Variants in PTRH2 observed in about 807,000 individuals in gnomAD.
PTRH2 encodes peptidyl-tRNA hydrolase 2, also known as peptidyl-tRNA hydrolase 2, mitochondrial.
Under a neutral mutation model 12.3 loss-of-function variants are expected in PTRH2, and 10 were observed. The observed-to-expected ratio is 0.81, with a 90% CI of 0.50 to 1.38. PTRH2 has a LOEUF of 1.38. PTRH2 is among the 40% of genes most tolerant of loss of function. The pLI is 0.00. For missense variants in PTRH2, 176 were observed against 214.1 expected, an observed-to-expected ratio of 0.82 and a Z score of 1.11; for synonymous variants, 73 against 77.4, an observed-to-expected ratio of 0.94 and a Z score of 0.30.
chr17:59,698,104 G>T, intron 1 of PTRH2, 126 bp from the exon 2 acceptor site: 1 of 944,886 alleles, frequency 1.1e-6, no homozygotes, highest in Non-Finnish European at 1.5e-6. Flanking sequence ...ACACACCTTT[G>T]ATCTTATGCC....
rs200466198 is a variant in PTRH2, at chr17:59,697,604, G to A, written c.375C>T (p.Thr125=). 3 of 1,613,990 alleles carry A rather than the reference G, an allele frequency of 1.9e-6. No homozygotes were observed. Among genetic ancestry groups the A allele is most frequent in the African/African-American group, 2.7e-5 (2 of 74,888 alleles). Reference sequence around the variant, plus strand: ...TTGCATGGGCCAATAATGCAATCAGGGTTTCTTCATCAGGAGCTTTGACCA... The same window carrying A: ...TTGCATGGGCCAATAATGCAATCAGAGTTTCTTCATCAGGAGCTTTGACCA... ...KVVVKAPDEE[T]LIALLAHAKM... Residue 125 remains threonine, a synonymous_variant, in exon 2 of 2, where the codon ACC becomes ACT. Coordinates refer to ENST00000393038, the MANE Select transcript of PTRH2 (RefSeq NM_016077.5).
At chr17:59,704,641 G>A (rs538778884) in intron 1 of PTRH2, among the ~76,000 whole-genome samples, 2 of 152,288 alleles carry the variant, frequency 1.3e-5, no homozygotes, top group African/African-American at 2.4e-5. Context: ...CCAGGAGTAG[G>A]AGGGTCACAT....
Position 59,703,967 on chromosome 17 carries a change from C to T in PTRH2, c.-1+3404G>A, listed in dbSNP as rs151307975. ...GGACTTCAGGCATGTGCTACCACAC[C>T]CGGCTAATTTTTGTATTTTTAGTAG... On this transcript the variant is annotated intron_variant, in intron 1 of 1. Coordinates refer to ENST00000393038, the MANE Select transcript of PTRH2 (RefSeq NM_016077.5). Among the ~76,000 whole-genome samples, 198 of 150,120 alleles carry T rather than the reference C, an allele frequency of 1.3e-3. 1 individual carries two copies. Among genetic ancestry groups the T allele is most frequent in the African/African-American group, 4.7e-3 (191 of 40,706 alleles).
rs754447790 is a variant in PTRH2 at position 59,697,498 on chromosome 17, T to A, written c.481A>T (p.Ile161Phe). 2.8e-5 allele frequency: 45 copies of A among 1,614,056 alleles called. No individual in the cohort carries two copies. Among genetic ancestry groups the A allele is most frequent in the Non-Finnish European group, 3.7e-5 (44 of 1,179,972 alleles). ...ATTAGGTCTGCTGGTCCTGGCCCAA[T>A]CCCTAGGACAGTTTGAGAGCCTGGT... ...IAPGSQTVLG[I>F]GPGPADLIDK... Residue 161 changes from isoleucine (I) to phenylalanine (F), a missense_variant, in exon 2 of 2, where the codon ATT (isoleucine) becomes TTT (phenylalanine). Ile to Phe is a conservative substitution (Grantham distance 21). Coordinates refer to ENST00000393038, the MANE Select transcript of PTRH2 (RefSeq NM_016077.5).
intron 1 of PTRH2, among the ~76,000 whole-genome samples, chr17:59,704,398 A>G (rs1181090963): frequency 6.6e-6 from 1 of 150,944 alleles, no homozygotes; most frequent in African/African-American, 2.4e-5. Context: ...TAGAAAGAAG[A>G]AAAAAAAGGA....
intron 1 of PTRH2, among the ~76,000 whole-genome samples, chr17:59,701,769 G>A (rs942249948): frequency 2.0e-5 from 3 of 151,818 alleles, no homozygotes; most frequent in Non-Finnish European, 4.4e-5. Context: ...GCAGTGGCGC[G>A]ATCTCAGCTC....
At chr17:59,707,014 G>A (rs1292848572) in intron 1 of PTRH2, among the ~76,000 whole-genome samples, 2 of 152,094 alleles carry the variant, frequency 1.3e-5, no homozygotes, top group African/African-American at 4.8e-5. Context: ...TTCTTTCCAC[G>A]CAGAGCTCGA....
chr17:59,703,695 G>A lies in PTRH2; in HGVS notation c.-1+3676C>T, dbSNP rs574214830. 9.5e-4 allele frequency among the ~76,000 whole-genome samples: 145 copies of A among 152,162 alleles called. 1 individual carries two copies. The highest frequency in any genetic ancestry group is 3.2e-3 in the African/African-American group (131 of 41,506). ...AATTGTTTGTATTTTTAGTAGAGAC[G>A]GGGTTTCACCAGGTTGGCCAGGCTG... On this transcript the variant is annotated intron_variant, in intron 1 of 1. Coordinates refer to ENST00000393038, the MANE Select transcript of PTRH2 (RefSeq NM_016077.5).
At chr17:59,702,798 A>G (rs149384385) in intron 1 of PTRH2, among the ~76,000 whole-genome samples, 44 of 152,316 alleles carry the variant, frequency 2.9e-4, no homozygotes, top group African/African-American at 1.0e-3. Context: ...CAAAAGCAAC[A>G]CATATTCAGT....
chr17:59,698,915 T>G (rs2033503700), intron 1 of PTRH2: 1 of 716,206 alleles, frequency 1.4e-6, no homozygotes, highest in African/African-American at 1.7e-5. Flanking sequence ...GAAAAATGTT[T>G]GAAGCACTGA....
intron 1 of PTRH2, chr17:59,698,960 A>G: frequency 1.4e-6 from 1 of 705,368 alleles, no homozygotes; most frequent in Non-Finnish European, 2.6e-6. Context: ...GGGATGCAAC[A>G]GGGTCCTCAA....
chr17:59,701,632 C>A (rs1049373083), intron 1 of PTRH2, among the ~76,000 whole-genome samples: 30 of 152,110 alleles, frequency 2.0e-4, no homozygotes, highest in Non-Finnish European at 4.3e-4. Flanking sequence ...TACATTTTAG[C>A]AATGGTTTTG....
At chr17:59,705,446 G>T (rs932029098) in intron 1 of PTRH2, among the ~76,000 whole-genome samples, 2 of 151,620 alleles carry the variant, frequency 1.3e-5, no homozygotes, top group Non-Finnish European at 2.9e-5. Flanking sequence ...AAGAGAAGGG[G>T]TCTCCCTCTG....
intron 1 of PTRH2, among the ~76,000 whole-genome samples, chr17:59,703,213 G>C (rs1567988630): frequency 6.6e-6 from 1 of 151,854 alleles, no homozygotes; most frequent in African/African-American, 2.4e-5. Flanking sequence ...TTAAGACACA[G>C]GGGTTTCATT....
rs1462479907 is a variant in PTRH2 at position 59,698,013 on chromosome 17, C to T, written c.1-35G>A. The T allele has an allele frequency of 5.1e-6, 8 of 1,582,956 alleles. 1 individual carries two copies. The highest frequency in any genetic ancestry group is 3.3e-5 in the South Asian group (3 of 89,664). The stretch of plus-strand genomic sequence containing the variant: ...AAGGAAAACAGTTATCACTATCCGG[C>T]AGTAACAACTTACAGAGGTATAGGC... On this transcript the variant is annotated intron_variant, in intron 1 of 1. Coordinates refer to ENST00000393038, the MANE Select transcript of PTRH2 (RefSeq NM_016077.5).
In PTRH2 at chr17:59,697,765, G is replaced by A; in HGVS notation, c.214C>T (p.Arg72Ter). Residue 72 changes from arginine (R) to a stop codon, truncating the protein, a stop_gained, in exon 2 of 2, where the codon CGA becomes TGA. Coordinates refer to ENST00000393038, the MANE Select transcript of PTRH2 (RefSeq NM_016077.5). LOFTEE classifies it high-confidence loss of function. ...CCTTTTCCCATCTTTAAGTCATTTC[G>A]AACCACAAGAATCATCTTGTACTCC... ...SGEYKMILVV[R>*]NDLKMGKGKV... 6.2e-7 allele frequency: 1 copy of A among 1,614,104 alleles called. No homozygotes were observed. Among genetic ancestry groups the A allele is most frequent in the African/African-American group, 1.3e-5 (1 of 75,002 alleles).
At position 59,698,797 on chromosome 17, in the gene PTRH2, T is replaced by G. The variant is rs78153791; in HGVS notation, c.1-819A>C. 4,484 of 693,858 alleles carry G rather than the reference T, an allele frequency of 6.5e-3. 130 individuals are homozygous for G. The African/African-American group carries it at 0.068, about 11-fold the overall frequency. The allele number at this position is 693,858 out of a possible 1,614,324, so 43.0% of individuals were successfully genotyped here. On this transcript the variant is annotated intron_variant, in intron 1 of 1. Transcript: ENST00000393038. ...AAAATCATCTAACACGAGGCTCTTT[T>G]ATAATAGTGTTGAATATCTCCTGTA...
intron 1 of PTRH2, chr17:59,700,822 C>T (rs1028118932): frequency 7.2e-5 from 11 of 152,134 alleles, no homozygotes; most frequent in Admixed American, 1.3e-4. Context: ...TTCCCAATTT[C>T]AGTTTTAAAT....
chr17:59,699,871 G>C (rs1045730192), intron 1 of PTRH2: 2 of 152,632 alleles, frequency 1.3e-5, no homozygotes, highest in African/African-American at 4.8e-5. Context: ...CCAGAAACAG[G>C]AGACACTGAT....
Sources: allele counts gnomAD v4.1 joint callset (sites outside exome capture counted in the v4.1 genomes callset), GRCh38; gene constraint gnomAD v4.1.1; transcripts MANE v1.5; gene names NCBI Gene and HGNC (gene_info 2026-07-23, HGNC 2026-07-21).